The following ZNF471 variants were observed in gnomAD, a reference collection of about 807,000 sequenced individuals.
ZNF471 encodes zinc finger protein 471.
In ZNF471, 7 loss-of-function variants were observed where a neutral mutation model predicts 13.7. That is an observed-to-expected ratio of 0.51 (90% CI 0.29 to 0.96). The LOEUF (loss-of-function observed/expected upper bound fraction) is 0.96, where lower values mean the gene tolerates loss of function less well. Among genes scored for constraint, ZNF471 ranks in the 40% least tolerant of loss-of-function variants. The pLI is 0.08. For missense variants in ZNF471, 663 were observed against 743.3 expected, an observed-to-expected ratio of 0.89 and a Z score of 1.26; for synonymous variants, 218 against 235.6, an observed-to-expected ratio of 0.93 and a Z score of 0.68.
Position 56,522,151 on chromosome 19 carries a change from C to T in ZNF471, c.257-2173C>T, listed in dbSNP as rs1045935053. 2.6e-5 allele frequency among the ~76,000 whole-genome samples: 4 copies of T among 152,152 alleles called. No homozygotes were observed. The highest frequency in any genetic ancestry group is 1.9e-4 in the East Asian group (1 of 5,196). ...CCATCCATCAAGGTTTGTATAAGTA[C>T]GCTCTGTAATTGCCCATCCGTAATG... On this transcript the variant is annotated intron_variant, in intron 4 of 4. Coordinates refer to ENST00000308031, the MANE Select transcript of ZNF471 (RefSeq NM_020813.4). This position sits in a 1 kb window ranked among gnomAD's most constrained non-coding sequence, Gnocchi z 4.1.
In ZNF471 at chr19:56,522,463, C is replaced by T. The variant is rs2043986731; in HGVS notation, c.257-1861C>T. ...TTCCTAAATTACTTTCTAAACTTTT[C>T]AAGAACAATTCCTTCATTACTTTGA... is the stretch of plus-strand genomic sequence containing the variant. On this transcript the variant is annotated intron_variant, in intron 4 of 4. Transcript: ENST00000308031. The surrounding 1 kb of genome is among the most constrained non-coding windows in gnomAD (Gnocchi z 4.1). 1.3e-5 allele frequency among the ~76,000 whole-genome samples: 2 copies of T among 152,150 alleles called. No homozygotes were observed. The highest frequency in any genetic ancestry group is 4.8e-5 in the African/African-American group (2 of 41,430).
Position 56,512,078 on chromosome 19 carries a change from G to A in ZNF471, c.33+474G>A, listed in dbSNP as rs1414088057. The stretch of plus-strand genomic sequence containing the variant: ...TAAGTATGAATTACCAACCTCATTC[G>A]TTCACCTGAAAAATCTTATTCTACT... On this transcript the variant is annotated intron_variant, in intron 2 of 4. Transcript: ENST00000308031. Among the ~76,000 whole-genome samples the A allele has an allele frequency of 2.6e-5, 4 of 151,526 alleles. No homozygotes were observed. The East Asian group carries it at 5.8e-4, about 22-fold the overall frequency.
chr19:56,523,084 ATTC>A (rs2043995480), intron 4 of ZNF471, among the ~76,000 whole-genome samples: 1 of 152,212 alleles, frequency 6.6e-6, no homozygotes, highest in Non-Finnish European at 1.5e-5. Context: ...GTAAACTTAT[ATTC>A]TAGGTCAGGA....
chr19:56,526,586 C>T lies in ZNF471; in HGVS notation c.*638C>T, dbSNP rs1479369914. The T allele has an allele frequency of 6.6e-6, 1 of 152,340 alleles. No homozygotes were observed. Among genetic ancestry groups the T allele is most frequent in the Non-Finnish European group, 1.5e-5 (1 of 68,160 alleles). 9.4% of individuals were successfully genotyped at this position (152,340 alleles called of 1,614,324 possible). On this transcript the variant is annotated 3_prime_UTR_variant, in exon 5 of 5. Transcript: ENST00000308031. The stretch of plus-strand genomic sequence containing the variant: ...TGGTTCCCATGCCCACTGAGCCCAG[C>T]AAGCTAAGATCCACTGGCTTGGAAT...
At position 56,525,381 on chromosome 19, in the gene ZNF471, A is replaced by T. The variant is rs775497389; in HGVS notation, c.1314A>T (p.Lys438Asn). The stretch of plus-strand genomic sequence containing the variant: ...CTTATGAATGTGATATATGTGGGAA[A>T]GATTTTAGCCATCATGCATCACTCA... ...EKPYECDICG[K>N]DFSHHASLTQ... The change falls in exon 5 of 5, where the codon AAA (lysine) becomes AAT (asparagine). Residue 438 changes from lysine (K) to asparagine (N), a missense_variant. Transcript: ENST00000308031. The T allele has an allele frequency of 5.6e-6, 9 of 1,614,080 alleles. No individual in the cohort carries two copies. Among genetic ancestry groups the T allele is most frequent in the African/African-American group, 1.3e-5 (1 of 75,018 alleles).
chr19:56,519,485 GCCA>G (rs2043939516), intron 4 of ZNF471, among the ~76,000 whole-genome samples: 1 of 152,052 alleles, frequency 6.6e-6, no homozygotes, highest in Non-Finnish European at 1.5e-5. Flanking sequence ...TGTCCACCAA[GCCA>G]CTGTTTATTT....
In ZNF471 at chr19:56,510,090, C is replaced by T. The variant is rs2043790460; in HGVS notation, c.-55-1427C>T. 1.0e-6 allele frequency: 1 copy of T among 985,422 alleles called. No homozygotes were observed. Among genetic ancestry groups the T allele is most frequent in the Non-Finnish European group, 1.2e-6 (1 of 829,982 alleles). The allele number at this position is 985,422 out of a possible 1,614,324, so 61.0% of individuals were successfully genotyped here. A position where few individuals can be genotyped will look rare whatever the true frequency, so the allele number is the denominator to read the frequency against. On this transcript the variant is annotated intron_variant, in intron 1 of 4. Coordinates refer to ENST00000308031, the MANE Select transcript of ZNF471 (RefSeq NM_020813.4). The surrounding 1 kb of genome is among the most constrained non-coding windows in gnomAD (Gnocchi z 4.3). Reference sequence around the variant, plus strand: ...GGGTATGTGAGAGACTAGAGTATGTCTCTGTCTGGACTGGTAGGTTGTGAG... The same window carrying T: ...GGGTATGTGAGAGACTAGAGTATGTTTCTGTCTGGACTGGTAGGTTGTGAG...
In ZNF471 at chr19:56,527,783, A is replaced by T. The variant is rs971246716; in HGVS notation, c.*1835A>T. On this transcript the variant is annotated 3_prime_UTR_variant, in exon 5 of 5. Coordinates refer to ENST00000308031, the MANE Select transcript of ZNF471 (RefSeq NM_020813.4). Reference sequence around the variant, plus strand: ...GAATGTGCAAATGTCCTCAGACAAGATGCACACCTTGCTCATTAGTGAGTT... The same window carrying T: ...GAATGTGCAAATGTCCTCAGACAAGTTGCACACCTTGCTCATTAGTGAGTT... 6.6e-6 allele frequency: 1 copy of T among 152,206 alleles called. No homozygotes were observed. The highest frequency in any genetic ancestry group is 1.5e-5 in the Non-Finnish European group (1 of 68,044). The allele number at this position is 152,206 out of a possible 1,614,324, so 9.4% of individuals were successfully genotyped here. A position where few individuals can be genotyped will look rare whatever the true frequency, so the allele number is the denominator to read the frequency against.
chr19:56,512,828 G>A (rs1162136514), intron 2 of ZNF471, among the ~76,000 whole-genome samples: 1 of 152,194 alleles, frequency 6.6e-6, no homozygotes, highest in East Asian at 1.9e-4. Flanking sequence ...AGTGTCAGAT[G>A]TCCATAATTA....
At chr19:56,512,727 A>G (rs181722863) in intron 2 of ZNF471, among the ~76,000 whole-genome samples, 157 of 152,290 alleles carry the variant, frequency 1.0e-3, no homozygotes, top group African/African-American at 3.7e-3. Context: ...ATAAGAAACA[A>G]TGTATAAAAA....
rs2043891866 is a variant in ZNF471, at chr19:56,516,595, C to A, written c.160+194C>A. Among the ~76,000 whole-genome samples the A allele has an allele frequency of 6.6e-6, 1 of 152,152 alleles. No individual in the cohort carries two copies. On this transcript the variant is annotated intron_variant, in intron 3 of 4. Coordinates refer to ENST00000308031, the MANE Select transcript of ZNF471 (RefSeq NM_020813.4). This position sits in a 1 kb window ranked among gnomAD's most constrained non-coding sequence, Gnocchi z 4.4. The stretch of plus-strand genomic sequence containing the variant: ...TTTGGAGAATATCAAATATTCCATG[C>A]ATACACCCTTAAGGCAATTGGGAAC...
intron 1 of ZNF471, 73 bp from the exon 2 acceptor site, chr19:56,511,444 C>A: frequency 1.7e-6 from 2 of 1,164,134 alleles, no homozygotes; most frequent in South Asian, 1.6e-5. Context: ...AAGAAGAAGA[C>A]AGTTTTAGGC....
chr19:56,528,101 C>T lies in ZNF471; in HGVS notation c.*2153C>T, dbSNP rs773593391. On this transcript the variant is annotated 3_prime_UTR_variant, in exon 5 of 5. Coordinates refer to ENST00000308031, the MANE Select transcript of ZNF471 (RefSeq NM_020813.4). ...CATAGTTTTAGTGATACACCACCTCCGATAAGCAAAAAAGTCCTCACATTC... is the reference window on the plus strand; with the variant it reads ...CATAGTTTTAGTGATACACCACCTCTGATAAGCAAAAAAGTCCTCACATTC... The T allele has an allele frequency of 3.3e-5, 5 of 152,116 alleles. No individual in the cohort carries two copies. Among genetic ancestry groups the T allele is most frequent in the African/African-American group, 9.7e-5 (4 of 41,414 alleles). 9.4% of individuals were successfully genotyped at this position (152,116 alleles called of 1,614,324 possible). A position where few individuals can be genotyped will look rare whatever the true frequency, so the allele number is the denominator to read the frequency against.
chr19:56,509,713 T>TGG (rs2043783783), intron 1 of ZNF471: 1 of 207,634 alleles, frequency 4.8e-6, no homozygotes, highest in South Asian at 1.9e-4. Flanking sequence ...ATTGCTTGCC[T>TGG]GGTGTGTGTG....
Position 56,508,024 on chromosome 19 carries a change from C to T in ZNF471, c.-56+104C>T, listed in dbSNP as rs929041666. ...GGTCGCGAAGGCCCAGCCGCGTCCT[C>T]TGTCCCCAGGACGACTACATTTCCC... On this transcript the variant is annotated intron_variant, in intron 1 of 4. Transcript: ENST00000308031. This position sits in a 1 kb window ranked among gnomAD's most constrained non-coding sequence, Gnocchi z 4.7. 4.7e-4 allele frequency: 462 copies of T among 985,630 alleles called. No individual in the cohort carries two copies. Among genetic ancestry groups the T allele is most frequent in the South Asian group, 1.1e-3 (24 of 21,346 alleles). 61.1% of individuals were successfully genotyped at this position (985,630 alleles called of 1,614,324 possible). A position where few individuals can be genotyped will look rare whatever the true frequency, so the allele number is the denominator to read the frequency against.
chr19:56,525,550 G>T lies in ZNF471; in HGVS notation c.1483G>T (p.Ala495Ser). 1.2e-6 allele frequency: 2 copies of T among 1,614,032 alleles called. No homozygotes were observed. Among genetic ancestry groups the T allele is most frequent in the Non-Finnish European group, 1.7e-6 (2 of 1,180,006 alleles). ...KPYECKECGK[A>S]FRISSQLATH... is the part of the protein sequence containing the mutation. ...CTATGAATGTAAAGAATGTGGAAAA[G>T]CTTTTAGAATCAGTTCACAGCTGGC... Residue 495 changes from alanine (A) to serine (S), a missense_variant, in exon 5 of 5, where the codon GCT becomes TCT. Coordinates refer to ENST00000308031, the MANE Select transcript of ZNF471 (RefSeq NM_020813.4).
At position 56,522,469 on chromosome 19, in the gene ZNF471, C is replaced by T. The variant is rs2043986867; in HGVS notation, c.257-1855C>T. On this transcript the variant is annotated intron_variant, in intron 4 of 4. Coordinates refer to ENST00000308031, the MANE Select transcript of ZNF471 (RefSeq NM_020813.4). This position sits in a 1 kb window ranked among gnomAD's most constrained non-coding sequence, Gnocchi z 4.1. ...AATTACTTTCTAAACTTTTCAAGAACAATTCCTTCATTACTTTGATATCAC... is the reference window on the plus strand; with the variant it reads ...AATTACTTTCTAAACTTTTCAAGAATAATTCCTTCATTACTTTGATATCAC... Among the ~76,000 whole-genome samples, 1 of 152,190 alleles carries T rather than the reference C, an allele frequency of 6.6e-6. No homozygotes were observed. Among genetic ancestry groups the T allele is most frequent in the Admixed American group, 6.5e-5 (1 of 15,286 alleles).
Position 56,514,371 on chromosome 19 carries a change from C to T in ZNF471, c.34-1904C>T, listed in dbSNP as rs78239185. ...GATTATAAGTGTAAGCCACTGCACC[C>T]GGCCAGGCTTTCTTAGGTTTTATCT... On this transcript the variant is annotated intron_variant, in intron 2 of 4. Transcript: ENST00000308031. Among the ~76,000 whole-genome samples, 903 of 152,074 alleles carry T rather than the reference C, an allele frequency of 5.9e-3. 11 individuals carry two copies. Among genetic ancestry groups the T allele is most frequent in the African/African-American group, 0.02 (812 of 41,490 alleles).
rs2043791042 is a variant in ZNF471, at chr19:56,510,142, T to G, written c.-55-1375T>G. The G allele has an allele frequency of 1.0e-6, 1 of 985,322 alleles. No individual in the cohort carries two copies. The highest frequency in any genetic ancestry group is 1.7e-5 in the African/African-American group (1 of 57,176). The allele number at this position is 985,322 out of a possible 1,614,324, so 61.0% of individuals were successfully genotyped here. ...GGGTGTATCACAGTATGAAAAAGAT[T>G]GGAGTGAGAGTGACCAGTATGTATT... On this transcript the variant is annotated intron_variant, in intron 1 of 4. Coordinates refer to ENST00000308031, the MANE Select transcript of ZNF471 (RefSeq NM_020813.4). This position sits in a 1 kb window ranked among gnomAD's most constrained non-coding sequence, Gnocchi z 4.3.
Sources: allele counts gnomAD v4.1 joint callset (sites outside exome capture counted in the v4.1 genomes callset), GRCh38; gene constraint gnomAD v4.1.1; non-coding constraint Gnocchi (gnomAD v3.1); transcripts MANE v1.5; gene names NCBI Gene and HGNC (gene_info 2026-07-23, HGNC 2026-07-21).